MKLN1: variants seen among roughly 807,000 people sequenced by gnomAD.
MKLN1 encodes muskelin 1, also known as muskelin.
MKLN1 carries 18 observed loss-of-function variants against 99.0 expected under a neutral mutation model. The observed-to-expected ratio is 0.18, with a 90% CI of 0.13 to 0.27. MKLN1 has a LOEUF of 0.27. Among genes scored for constraint, MKLN1 ranks in the 10% least tolerant of loss-of-function variants. MKLN1 has a pLI of 1.00. For missense variants in MKLN1, 621 were observed against 875.9 expected (o/e 0.71, Z 3.67); for synonymous variants, 288 against 293.2 (o/e 0.98, Z 0.18).
At chr7:131,413,261 A>G (rs1435130710) in intron 7 of MKLN1, among the ~76,000 whole-genome samples, 4 of 152,242 alleles carry the variant, frequency 2.6e-5, no homozygotes, top group Admixed American at 6.5e-5. Context: ...CTGGATGATT[A>G]GCCGCTGAAT....
intron 1 of MKLN1, among the ~76,000 whole-genome samples, chr7:131,338,403 G>T (rs1799311641): frequency 6.6e-6 from 1 of 152,130 alleles, no homozygotes; most frequent in Non-Finnish European, 1.5e-5. Context: ...TTAGCCCCTT[G>T]GCCTGTGCCA....
upstream of MKLN1, chr7:131,323,622 G>A (rs1484685440): frequency 6.6e-6 from 1 of 152,084 alleles, no homozygotes; most frequent in Non-Finnish European, 1.5e-5. Flanking sequence ...GTTCCAGCAG[G>A]TATTTCTAAA....
At chr7:131,142,682 CTGAG>C (rs1795754595) in intron 1 of MKLN1, 1 of 282,266 alleles carries the variant, frequency 3.5e-6, no homozygotes, top group South Asian at 3.1e-5. Flanking sequence ...TTGCAGTGAG[CTGAG>C]ATCGCCCCAC....
At chr7:131,412,464 AAAAT>A (rs1794908980) in intron 7 of MKLN1, among the ~76,000 whole-genome samples, 1 of 152,238 alleles carries the variant, frequency 6.6e-6, no homozygotes, top group Admixed American at 6.5e-5. Context: ...AATTGTAATA[AAAAT>A]AAATATCAGT....
intron 4 of MKLN1, among the ~76,000 whole-genome samples, chr7:131,393,227 T>C (rs561549794): frequency 2.0e-5 from 3 of 152,314 alleles, no homozygotes; most frequent in South Asian, 4.2e-4. Context: ...ATTAGGAGTT[T>C]CTAATTCTTT....
At chr7:131,160,751 A>G (rs953579784) in intron 2 of MKLN1, among the ~76,000 whole-genome samples, 3 of 150,540 alleles carry the variant, frequency 2.0e-5, no homozygotes, top group Non-Finnish European at 4.4e-5. Context: ...TCTGGTCTCA[A>G]ACTCCTAAGC....
At chr7:131,179,627 T>C (rs956527865) in intron 2 of MKLN1, among the ~76,000 whole-genome samples, 2 of 152,062 alleles carry the variant, frequency 1.3e-5, no homozygotes, top group Admixed American at 1.3e-4. Flanking sequence ...CAGGCTGGAG[T>C]GCAGTGGTGC....
chr7:131,379,877 A>G (rs1239386593), intron 2 of MKLN1, among the ~76,000 whole-genome samples: 4 of 152,194 alleles, frequency 2.6e-5, no homozygotes, highest in African/African-American at 9.7e-5. Flanking sequence ...TGATGGGGCC[A>G]AGATTCAGAA....
chr7:131,234,140 C>G (rs754366731), intron 3 of MKLN1, among the ~76,000 whole-genome samples: 2 of 151,912 alleles, frequency 1.3e-5, no homozygotes, highest in Non-Finnish European at 2.9e-5. Context: ...CCACCACGCC[C>G]GGCTAATTTT....
At chr7:131,466,629 G>A (rs1231404941) in intron 15 of MKLN1, among the ~76,000 whole-genome samples, 1 of 152,046 alleles carries the variant, frequency 6.6e-6, no homozygotes, top group Non-Finnish European at 1.5e-5. Flanking sequence ...GTGAAATTTT[G>A]CAGCTGTTAA....
At chr7:131,478,792 A>G (rs553038599) in intron 17 of MKLN1, 115 bp downstream of exon 17, 249 of 1,258,146 alleles carry the variant, frequency 2.0e-4, no homozygotes, top group Non-Finnish European at 2.4e-4. Flanking sequence ...AGATGAGCAA[A>G]TGAAGTTTCA....
intron 1 of MKLN1, among the ~76,000 whole-genome samples, chr7:131,338,282 G>A (rs1006442561): frequency 3.9e-5 from 6 of 152,172 alleles, no homozygotes; most frequent in African/African-American, 1.4e-4. Flanking sequence ...TTCACTAGGG[G>A]ATCTTGACTC....
At chr7:131,339,487 T>G (rs1443910394) in intron 1 of MKLN1, among the ~76,000 whole-genome samples, 1 of 152,070 alleles carries the variant, frequency 6.6e-6, no homozygotes, top group East Asian at 1.9e-4. Context: ...GGTGGATCAC[T>G]TGAGGTCAGG....
At chr7:131,111,484 G>C (rs774910826) in intron 1 of MKLN1, among the ~76,000 whole-genome samples, 1 of 152,266 alleles carries the variant, frequency 6.6e-6, no homozygotes, top group African/African-American at 2.4e-5. Context: ...ATTTGGTCTC[G>C]TAGCACTAGC....
chr7:131,236,128 G>GT (rs1364538118), intron 3 of MKLN1, among the ~76,000 whole-genome samples: 1 of 152,182 alleles, frequency 6.6e-6, no homozygotes, highest in East Asian at 1.9e-4. Context: ...AATGTAAGTA[G>GT]TAAGTAAAAT....
At chr7:131,139,544 G>A (rs1326385444) in intron 1 of MKLN1, among the ~76,000 whole-genome samples, 1 of 152,162 alleles carries the variant, frequency 6.6e-6, no homozygotes, top group Non-Finnish European at 1.5e-5. Context: ...AGAGCCAGCT[G>A]TTTGTTCCAG....
chr7:131,173,186 T>C (rs1280647090), intron 2 of MKLN1, among the ~76,000 whole-genome samples: 1 of 149,712 alleles, frequency 6.7e-6, no homozygotes, highest in Non-Finnish European at 1.5e-5. Context: ...ACAGACATAA[T>C]AAAGCAAAAA....
At chr7:131,240,223 TC>T (rs1234078821) in intron 3 of MKLN1, among the ~76,000 whole-genome samples, 6 of 149,676 alleles carry the variant, frequency 4.0e-5, no homozygotes, top group East Asian at 3.9e-4. Context: ...TAAGTAAAGT[TC>T]CCCCCCGCCA....
intron 2 of MKLN1, among the ~76,000 whole-genome samples, chr7:131,164,670 G>GT (rs1796098435): frequency 6.6e-6 from 1 of 152,164 alleles, no homozygotes; most frequent in South Asian, 2.1e-4. Context: ...TCCAGCATTT[G>GT]TTTTTTGTTT....
Sources: allele counts gnomAD v4.1 joint callset (sites outside exome capture counted in the v4.1 genomes callset), GRCh38; gene constraint gnomAD v4.1.1; transcripts MANE v1.5; gene names NCBI Gene and HGNC (gene_info 2026-07-23, HGNC 2026-07-21).